The following ESRRG variants were observed in gnomAD, a reference collection of about 807,000 sequenced individuals.
The protein encoded by ESRRG is estrogen-related receptor gamma.
In ESRRG, 13 loss-of-function variants were observed where a neutral mutation model predicts 44.0. That is an observed-to-expected ratio of 0.30 (90% CI 0.19 to 0.47). The LOEUF (loss-of-function observed/expected upper bound fraction) is 0.47. Ranked by LOEUF, ESRRG falls within the 20% of genes least tolerant of loss-of-function variation. The pLI, the probability that ESRRG is intolerant of heterozygous loss-of-function variation, is 1.00. For synonymous variants in ESRRG, 215 were observed against 214.6 expected (o/e 1.00, Z -0.02); for missense variants, 395 against 580.6 (o/e 0.68, Z 3.29).
intron 1 of ESRRG, among the ~76,000 whole-genome samples, chr1:217,042,473 A>AACACACACACACACACAAACACAC: frequency 7.2e-6 from 1 of 139,072 alleles, no homozygotes; most frequent in Admixed American, 7.4e-5. Context: ...TACACACACA[A>AACACACACACACACACAAACACAC]ACACACACAC....
chr1:216,624,506 C>T (rs2062827879), intron 3 of ESRRG, among the ~76,000 whole-genome samples: 1 of 152,290 alleles, frequency 6.6e-6, no homozygotes, highest in East Asian at 1.9e-4. Flanking sequence ...CATTTTTACG[C>T]CCTACCTGGA....
rs115759001 is a variant in ESRRG at position 216,745,631 on chromosome 1, C to T, written c.-13-68140G>A. On this transcript the variant is annotated intron_variant, in intron 2 of 7. Transcript: ENST00000359162. ...TTTCCCTTTGTCCAGTCTCTCAATG[C>T]GTGTATTCAATGCAGGCTGGTTAGC... Among the ~76,000 whole-genome samples, 813 of 152,230 alleles carry T rather than the reference C, an allele frequency of 5.3e-3. 10 individuals carry two copies. Among genetic ancestry groups the T allele is most frequent in the African/African-American group, 0.018 (732 of 41,540 alleles).
chr1:216,604,152 T>C (rs2059624141), intron 3 of ESRRG, among the ~76,000 whole-genome samples: 1 of 152,104 alleles, frequency 6.6e-6, no homozygotes, highest in Non-Finnish European at 1.5e-5. Flanking sequence ...GAATTCAATA[T>C]GAAAACTTTG....
At chr1:216,541,611 T>TGTGTGTGA (rs753149020) in intron 5 of ESRRG, among the ~76,000 whole-genome samples, 1,834 of 148,660 alleles carry the variant, frequency 0.012, 41 homozygotes, top group Middle Eastern at 0.024. Context: ...TGTGTGTATG[T>TGTGTGTGA]GATCAGCTAT....
At chr1:216,965,026 T>C (rs1024217361) in intron 1 of ESRRG, among the ~76,000 whole-genome samples, 8 of 152,202 alleles carry the variant, frequency 5.3e-5, no homozygotes, top group Non-Finnish European at 1.2e-4. Flanking sequence ...AGAAATTCCA[T>C]TGATGGAGTG....
chr1:216,830,315 T>A (rs1265784565), intron 2 of ESRRG, among the ~76,000 whole-genome samples: 2 of 152,198 alleles, frequency 1.3e-5, no homozygotes, highest in Non-Finnish European at 2.9e-5. Flanking sequence ...ATTATGTTCC[T>A]GTCAAGTCGA....
At chr1:216,529,770 G>A (rs1423003032) in intron 5 of ESRRG, among the ~76,000 whole-genome samples, 1 of 152,052 alleles carries the variant, frequency 6.6e-6, no homozygotes, top group Non-Finnish European at 1.5e-5. Context: ...AAGGTGAAAT[G>A]AACTGCTTTT....
At chr1:216,972,776 C>A (rs2071966028) in intron 1 of ESRRG, among the ~76,000 whole-genome samples, 1 of 152,096 alleles carries the variant, frequency 6.6e-6, no homozygotes, top group Non-Finnish European at 1.5e-5. Context: ...CTAGTATGTA[C>A]TACATAAGTG....
intron 2 of ESRRG, among the ~76,000 whole-genome samples, chr1:216,862,069 TAC>T (rs2096062977): frequency 6.6e-6 from 1 of 152,220 alleles, no homozygotes; most frequent in Non-Finnish European, 1.5e-5. Flanking sequence ...GTAATTCTCA[TAC>T]ACTGTTGCTG....
At position 216,506,987 on chromosome 1, in the gene ESRRG, T is replaced by A; in HGVS notation, c.1329A>T (p.Lys443Asn). Residue 443 changes from lysine to asparagine, a missense_variant, in exon 7 of 7, where the codon AAA (lysine) becomes AAT (asparagine). Lys to Asn is a moderately conservative substitution (Grantham distance 94, BLOSUM62 0). Around this residue, in one of 5 missense-constraint regions of ESRRG, gnomAD observed 8 missense variants for 25.4 expected, o/e 0.32. Coordinates refer to ENST00000408911, the MANE Select transcript of ESRRG (RefSeq NM_001438.4). ...QHFYNIKLEGKVPMHKLFLEM... is the reference protein window; with the variant it reads ...QHFYNIKLEGNVPMHKLFLEM... ...CCAAAAAAAGTTTGTGCATTGGGAC[T>A]TTGCCTTCTAGTTTGATGTTGTAGA... 6.2e-7 allele frequency: 1 copy of A among 1,614,190 alleles called. No individual in the cohort carries two copies. The highest frequency in any genetic ancestry group is 8.5e-7 in the Non-Finnish European group (1 of 1,180,014).
At chr1:216,507,559 A>G (rs2041517824) in intron 6 of ESRRG, among the ~76,000 whole-genome samples, 1 of 152,168 alleles carries the variant, frequency 6.6e-6, no homozygotes, top group Non-Finnish European at 1.5e-5. Flanking sequence ...TATTGAAAGT[A>G]TTATCTTAGT....
At chr1:217,088,342 A>T (rs1340956005) in intron 1 of ESRRG, among the ~76,000 whole-genome samples, 1 of 148,828 alleles carries the variant, frequency 6.7e-6, no homozygotes, top group Non-Finnish European at 1.5e-5. Context: ...GTAGGAGGTC[A>T]TATGGACCTA....
intron 1 of ESRRG, among the ~76,000 whole-genome samples, chr1:217,069,436 T>C (rs1229760166): frequency 6.6e-6 from 1 of 150,504 alleles, no homozygotes; most frequent in Non-Finnish European, 1.5e-5. Flanking sequence ...AATATATATA[T>C]ATATACATAT....
chr1:217,037,398 C>T (rs960288184), intron 1 of ESRRG, among the ~76,000 whole-genome samples: 7 of 152,136 alleles, frequency 4.6e-5, no homozygotes, highest in African/African-American at 1.7e-4. Context: ...TCACATCTTA[C>T]GTGGATGGCA....
intron 2 of ESRRG, among the ~76,000 whole-genome samples, chr1:216,779,518 A>ATATATAAATATATATT (rs2093833528): frequency 3.0e-5 from 1 of 33,622 alleles, no homozygotes; most frequent in Non-Finnish European, 4.6e-5. Flanking sequence ...ATATTTATAA[A>ATATATAAATATATATT]TATAAATATA....
At chr1:216,971,684 T>A (rs1317647213) in intron 1 of ESRRG, among the ~76,000 whole-genome samples, 1 of 152,188 alleles carries the variant, frequency 6.6e-6, no homozygotes, top group Non-Finnish European at 1.5e-5. Flanking sequence ...TTATGATGCT[T>A]CAGGAAAACA....
intron 1 of ESRRG, among the ~76,000 whole-genome samples, chr1:217,031,379 T>C (rs898839970): frequency 1.3e-5 from 2 of 152,112 alleles, no homozygotes; most frequent in African/African-American, 4.8e-5. Context: ...TGGGAGAGAA[T>C]AAGAGGAGAA....
intron 1 of ESRRG, among the ~76,000 whole-genome samples, chr1:216,951,253 G>A (rs115185119): frequency 0.026 from 4,029 of 152,194 alleles, 152 homozygotes; most frequent in African/African-American, 0.087. Context: ...CTTAGGTAGC[G>A]CTCCTAGTAT....
chr1:216,574,061 G>A (rs1277461422), intron 3 of ESRRG, among the ~76,000 whole-genome samples: 1 of 151,932 alleles, frequency 6.6e-6, no homozygotes, highest in Non-Finnish European at 1.5e-5. Flanking sequence ...CACTTTTGAA[G>A]AAGTTTAAAA....
Sources: allele counts gnomAD v4.1 joint callset (sites outside exome capture counted in the v4.1 genomes callset), GRCh38; gene constraint gnomAD v4.1.1; regional missense constraint gnomAD v4.1.1; transcripts MANE v1.5; gene names NCBI Gene and HGNC (gene_info 2026-07-23, HGNC 2026-07-21).